The following PCDHGA2 variants were observed in gnomAD, a reference collection of about 807,000 sequenced individuals.
PCDHGA2 encodes protocadherin gamma subfamily A, 2, also known as protocadherin gamma-A2.
PCDHGA2 carries 40 observed loss-of-function variants against 59.2 expected under a neutral mutation model. The observed-to-expected ratio is 0.68, with a 90% CI of 0.52 to 0.88. The LOEUF is 0.88. PCDHGA2 is among the 40% of genes least tolerant of loss of function. The probability of loss-of-function intolerance (pLI) is 0.00; values close to 1 mark genes in which losing one functional copy is unlikely to be tolerated. For missense variants in PCDHGA2, 1,226 were observed against 1,204.0 expected (o/e 1.02, Z -0.27); for synonymous variants, 560 against 526.0 (o/e 1.06, Z -0.89).
Position 141,491,994 on chromosome 5 carries a change from C to T in PCDHGA2, c.2425-2813C>T. On this transcript the variant is annotated intron_variant, in intron 1 of 3. Transcript: ENST00000394576. This position sits in a 1 kb window ranked among gnomAD's most constrained non-coding sequence, Gnocchi z 6.9. ...CCTCCTTCGAGCTTCCGGTGAATTT[C>T]GGGCGATTTCCGCGGGTGTCGGGGG... The T allele has an allele frequency of 4.3e-6, 3 of 693,016 alleles. No individual in the cohort carries two copies. The allele number at this position is 693,016 out of a possible 1,614,324, so 42.9% of individuals were successfully genotyped here.
intron 1 of PCDHGA2, among the ~76,000 whole-genome samples, chr5:141,462,218 C>T (rs2099034952): frequency 6.6e-6 from 1 of 152,180 alleles, no homozygotes; most frequent in African/African-American, 2.4e-5. Context: ...CCTCGGCCTC[C>T]CAAAGTGCAG....
chr5:141,349,560 T>C (rs1208077730), intron 1 of PCDHGA2, among the ~76,000 whole-genome samples: 1 of 152,172 alleles, frequency 6.6e-6, no homozygotes, highest in Non-Finnish European at 1.5e-5. Context: ...AATAACATAA[T>C]AGTAAGGCTG....
chr5:141,371,221 A>G, intron 1 of PCDHGA2: 1 of 1,614,064 alleles, frequency 6.2e-7, no homozygotes, highest in Non-Finnish European at 8.5e-7. Context: ...ATCAATGCCG[A>G]AATCATCTAT....
At chr5:141,449,436 A>T (rs1177598228) in intron 1 of PCDHGA2, among the ~76,000 whole-genome samples, 1 of 151,792 alleles carries the variant, frequency 6.6e-6, no homozygotes, top group African/African-American at 2.4e-5. Flanking sequence ...ATAAAACTCC[A>T]TCTCTACTAA....
intron 1 of PCDHGA2, among the ~76,000 whole-genome samples, chr5:141,364,008 C>T (rs553317478): frequency 3.3e-5 from 5 of 152,194 alleles, no homozygotes; most frequent in African/African-American, 9.6e-5. Context: ...TCATAAACAA[C>T]GCTACACAGT....
At chr5:141,400,903 T>C (rs1489476752) in intron 1 of PCDHGA2, among the ~76,000 whole-genome samples, 1 of 152,258 alleles carries the variant, frequency 6.6e-6, no homozygotes, top group Non-Finnish European at 1.5e-5. Flanking sequence ...TTAATTCATC[T>C]TTTAAAGCAA....
chr5:141,420,123 G>A (rs1335693841), intron 1 of PCDHGA2: 1 of 1,613,968 alleles, frequency 6.2e-7, no homozygotes, highest in Non-Finnish European at 8.5e-7. Flanking sequence ...TATAATTTTT[G>A]TGTGCCTGGG....
rs200109132 is a variant in PCDHGA2 at position 141,365,789 on chromosome 5, G to T, written c.2424+24394G>T. The T allele has an allele frequency of 1.4e-3, 2,225 of 1,613,896 alleles. 4 individuals carry two copies. Among genetic ancestry groups the T allele is most frequent in the Non-Finnish European group, 1.6e-3 (1,930 of 1,179,890 alleles). On this transcript the variant is annotated intron_variant, in intron 1 of 3. Transcript: ENST00000394576. ...CCCCGACAGCGGCGACAACGCTCGA[G>T]TCACCTACTCCCTGGCTGAAGACAC...
chr5:141,433,208 C>CTTT, intron 1 of PCDHGA2: 2 of 1,293,022 alleles, frequency 1.5e-6, no homozygotes, highest in Non-Finnish European at 2.1e-6. Context: ...AATCTTCTTT[C>CTTT]TTTTTTTTTT....
rs141873183 is a variant in PCDHGA2 at position 141,511,011 on chromosome 5, C to T, written c.2637C>T (p.Tyr879=). The T allele has an allele frequency of 1.5e-5, 24 of 1,614,082 alleles. No individual in the cohort carries two copies. Among genetic ancestry groups the T allele is most frequent in the Middle Eastern group, 1.6e-4 (1 of 6,084 alleles). Residue 879 remains tyrosine (Y), a synonymous_variant, in exon 4 of 4, where the codon TAC becomes TAT. Transcript: ENST00000394576. ...GAGTMGLSAR[Y]GPQFTLQHVP... The stretch of plus-strand genomic sequence containing the variant: ...GCACCATGGGATTGAGCGCCCGCTA[C>T]GGACCCCAGTTCACCCTGCAGCACG...
intron 1 of PCDHGA2, chr5:141,371,024 G>T: frequency 2.5e-6 from 4 of 1,614,004 alleles, no homozygotes; most frequent in Non-Finnish European, 3.4e-6. Flanking sequence ...ATCACCACCT[G>T]GTCCTCACAG....
At position 141,357,475 on chromosome 5, in the gene PCDHGA2, C is replaced by G. The variant is rs778953357; in HGVS notation, c.2424+16080C>G. On this transcript the variant is annotated intron_variant, in intron 1 of 3. Transcript: ENST00000394576. Reference sequence around the variant, plus strand: ...GCAGACCTATTCCCACGAGGTCTCCCTCACCGCGGACTCGCGGAAGAGTCA... The same window carrying G: ...GCAGACCTATTCCCACGAGGTCTCCGTCACCGCGGACTCGCGGAAGAGTCA... 4.0e-5 allele frequency: 65 copies of G among 1,614,118 alleles called. No individual in the cohort carries two copies. Among genetic ancestry groups the G allele is most frequent in the Non-Finnish European group, 5.3e-5 (63 of 1,180,052 alleles).
At chr5:141,501,718 A>G (rs914077060) in intron 2 of PCDHGA2, among the ~76,000 whole-genome samples, 1 of 152,152 alleles carries the variant, frequency 6.6e-6, no homozygotes, top group Non-Finnish European at 1.5e-5. Flanking sequence ...AAAAAGACAA[A>G]TATATTACCC....
At chr5:141,418,026 T>A (rs2154547454) in intron 1 of PCDHGA2, 1 of 1,613,962 alleles carries the variant, frequency 6.2e-7, no homozygotes, top group East Asian at 2.2e-5. Context: ...GATCTAGGGC[T>A]TAGTGTCCTG....
At chr5:141,502,862 C>CTTTT (rs2154593209) in intron 2 of PCDHGA2, among the ~76,000 whole-genome samples, 1 of 68,550 alleles carries the variant, frequency 1.5e-5, no homozygotes, top group African/African-American at 9.9e-5. Flanking sequence ...CCCTGACTCT[C>CTTTT]TGTCTTTTTT....
chr5:141,356,437 G>A, intron 1 of PCDHGA2: 1 of 1,611,386 alleles, frequency 6.2e-7, no homozygotes, highest in Non-Finnish European at 8.5e-7. Flanking sequence ...ACTGGACAGG[G>A]AAGAAGTCTC....
intron 1 of PCDHGA2, chr5:141,414,421 A>C (rs1250470349): frequency 6.2e-7 from 1 of 1,613,894 alleles, no homozygotes; most frequent in East Asian, 2.2e-5. Context: ...AGCCCTTGAC[A>C]GGGAACAGGT....
At chr5:141,344,232 G>A (rs762455729) in intron 1 of PCDHGA2, 1 of 1,613,926 alleles carries the variant, frequency 6.2e-7, no homozygotes, top group Admixed American at 1.7e-5. Context: ...AGTCCGCATC[G>A]TCTCCAGAGG....
intron 1 of PCDHGA2, chr5:141,376,302 T>C (rs763012052): frequency 1.2e-6 from 2 of 1,614,166 alleles, no homozygotes; most frequent in South Asian, 2.2e-5. Context: ...GGCTCGCACT[T>C]TGTGGGCGTG....
Sources: allele counts gnomAD v4.1 joint callset (sites outside exome capture counted in the v4.1 genomes callset), GRCh38; gene constraint gnomAD v4.1.1; non-coding constraint Gnocchi (gnomAD v3.1); transcripts MANE v1.5; gene names NCBI Gene and HGNC (gene_info 2026-07-23, HGNC 2026-07-21).